Variants in TPO observed in about 807,000 individuals in gnomAD.
The protein encoded by TPO is thyroid peroxidase, also known as thyroid microsomal antigen.
Under a neutral mutation model 96.9 loss-of-function variants are expected in TPO, and 78 were observed. That is an observed-to-expected ratio of 0.81 (90% CI 0.67 to 0.97). The LOEUF (loss-of-function observed/expected upper bound fraction) is 0.97, where lower values mean the gene tolerates loss of function less well. Ranked by LOEUF, TPO falls within the 50% of genes least tolerant of loss-of-function variation. The pLI, the probability that TPO is intolerant of heterozygous loss-of-function variation, is 0.00. For missense variants in TPO, 1,252 were observed against 1,274.8 expected, an observed-to-expected ratio of 0.98 and a Z score of 0.27; for synonymous variants, 547 against 538.0, an observed-to-expected ratio of 1.02 and a Z score of -0.23.
chr2:1,474,555 G>A (rs939675556), intron 7 of TPO, among the ~76,000 whole-genome samples: 19 of 152,116 alleles, frequency 1.2e-4, no homozygotes, highest in African/African-American at 3.9e-4. Context: ...GAAGTCCACC[G>A]TCAATGCCAT....
chr2:1,409,489 T>C (rs1031960459), upstream of TPO, among the ~76,000 whole-genome samples: 8 of 152,038 alleles, frequency 5.3e-5, no homozygotes, highest in Admixed American at 2.6e-4. Context: ...GTAATAAGAG[T>C]TGGAAGATAA....
At chr2:1,473,749 C>T (rs1051157916) in intron 7 of TPO, among the ~76,000 whole-genome samples, 1 of 151,736 alleles carries the variant, frequency 6.6e-6, no homozygotes, top group Non-Finnish European at 1.5e-5. Flanking sequence ...TGATTTTGAT[C>T]AACTTTTTTG....
chr2:1,425,142 G>A (rs1364703637), intron 3 of TPO, among the ~76,000 whole-genome samples: 1 of 151,954 alleles, frequency 6.6e-6, no homozygotes, highest in African/African-American at 2.4e-5. Context: ...CTAGATGCCG[G>A]GATACAGAGA....
chr2:1,504,162 G>A, intron 14 of TPO, 83 bp downstream of exon 14: 3 of 1,601,146 alleles, frequency 1.9e-6, no homozygotes, highest in Non-Finnish European at 2.5e-6. Flanking sequence ...TTAGGCAACT[G>A]TCAATCACCA....
At chr2:1,540,980 G>T (rs1159533262) in intron 16 of TPO, 3 of 1,455,688 alleles carry the variant, frequency 2.1e-6, no homozygotes, top group Non-Finnish European at 2.8e-6. Flanking sequence ...TCACTTTCAG[G>T]CGTTTGCTTC....
At chr2:1,526,252 C>A (rs1676471410) in intron 15 of TPO, among the ~76,000 whole-genome samples, 1 of 108,442 alleles carries the variant, frequency 9.2e-6, no homozygotes, top group Admixed American at 1.1e-4. Context: ...AAGTCCCCCC[C>A]ACTGTGAGCA....
chr2:1,410,867 C>T (rs944403652), upstream of TPO, among the ~76,000 whole-genome samples: 1 of 152,122 alleles, frequency 6.6e-6, no homozygotes, highest in South Asian at 2.1e-4. Context: ...CTTTCCTTCT[C>T]ATGGCTAAAA....
chr2:1,438,459 C>G (rs930942686), intron 5 of TPO, among the ~76,000 whole-genome samples: 1 of 152,122 alleles, frequency 6.6e-6, no homozygotes, highest in African/African-American at 2.4e-5. Context: ...TTGAGACCTC[C>G]TAACTTTTTT....
At chr2:1,512,830 T>A (rs552688884) in intron 14 of TPO, among the ~76,000 whole-genome samples, 1 of 152,034 alleles carries the variant, frequency 6.6e-6, no homozygotes, top group Admixed American at 6.5e-5. Flanking sequence ...AGCTGGGAGG[T>A]GAACAGCTGG....
intron 13 of TPO, among the ~76,000 whole-genome samples, chr2:1,501,710 A>T (rs1672891703): frequency 6.6e-6 from 1 of 152,152 alleles, no homozygotes; most frequent in South Asian, 2.1e-4. Flanking sequence ...GTGAAGACCC[A>T]GGATGGAAAT....
intron 3 of TPO, among the ~76,000 whole-genome samples, chr2:1,428,769 A>T (rs1567917): frequency 0.019 from 2,927 of 152,266 alleles, 95 homozygotes; most frequent in East Asian, 0.14. Context: ...GATTTTAGAT[A>T]AATGTCTCCA....
Position 1,493,991 on chromosome 2 carries a change from T to C in TPO, c.1958T>C (p.Phe653Ser), listed in dbSNP as rs746199330. The change falls in exon 11 of 17, where the codon TTT becomes TCT. Residue 653 changes from phenylalanine (F) to serine (S), a missense_variant. By Grantham distance (155) the Phe-to-Ser change is radical. Transcript: ENST00000329066. Reference sequence around the variant, plus strand: ...CCCAGGGCTCGGACAGGGCCCCTGTTTGCCTGTCTCATTGGGAAGCAGATG... The same window carrying C: ...CCCAGGGCTCGGACAGGGCCCCTGTCTGCCTGTCTCATTGGGAAGCAGATG... ...FLPRARTGPL[F>S]ACLIGKQMKA... 1 of 1,614,044 alleles carries C rather than the reference T, an allele frequency of 6.2e-7. No homozygotes were observed. The highest frequency in any genetic ancestry group is 8.5e-7 in the Non-Finnish European group (1 of 1,180,030).
chr2:1,504,286 C>T (rs1408921826), intron 14 of TPO, among the ~76,000 whole-genome samples: 2 of 152,296 alleles, frequency 1.3e-5, no homozygotes, highest in East Asian at 1.9e-4. Flanking sequence ...TCTGCAGAGA[C>T]CCTCGAAGCA....
chr2:1,382,073 G>A (rs1661819661), intron 1 of TPO, among the ~76,000 whole-genome samples: 1 of 152,062 alleles, frequency 6.6e-6, no homozygotes, highest in Non-Finnish European at 1.5e-5. Context: ...TCTTTTGACC[G>A]AAAGAAGCTC....
chr2:1,416,197 A>G (rs13415386), intron 2 of TPO, among the ~76,000 whole-genome samples: 1 of 152,252 alleles, frequency 6.6e-6, no homozygotes, highest in African/African-American at 2.4e-5. Flanking sequence ...AAATGGAGTC[A>G]CAATATAAAG....
chr2:1,431,123 G>A (rs965419273), intron 3 of TPO, among the ~76,000 whole-genome samples: 1 of 152,132 alleles, frequency 6.6e-6, no homozygotes, highest in South Asian at 2.1e-4. Context: ...TCTGGATGTT[G>A]GAGGTGAGGC....
chr2:1,430,078 C>T (rs981212712), intron 3 of TPO, among the ~76,000 whole-genome samples: 1 of 152,126 alleles, frequency 6.6e-6, no homozygotes, highest in African/African-American at 2.4e-5. Flanking sequence ...AAAAGGGCCT[C>T]GAAGAAAGCA....
At chr2:1,533,824 G>A (rs1031814457) in intron 15 of TPO, among the ~76,000 whole-genome samples, 2 of 57,188 alleles carry the variant, frequency 3.5e-5, no homozygotes, top group Non-Finnish European at 6.5e-5. Flanking sequence ...TCGCCCCACT[G>A]TGTGCATTCT....
At chr2:1,507,182 T>C (rs1673554739) in intron 14 of TPO, among the ~76,000 whole-genome samples, 1 of 152,234 alleles carries the variant, frequency 6.6e-6, no homozygotes, top group South Asian at 2.1e-4. Flanking sequence ...TTGTCAAAGA[T>C]CAGATAGTTG....
Sources: gnomAD v4.1 joint callset for allele counts (sites outside exome capture counted in the v4.1 genomes callset) on GRCh38, gnomAD v4.1.1 for gene constraint, MANE v1.5 for transcripts, NCBI Gene and HGNC (gene_info 2026-07-23, HGNC 2026-07-21) for gene names.